The following FMN2 variants were observed in gnomAD, a reference collection of about 807,000 sequenced individuals.
The protein encoded by FMN2 is formin 2, also known as formin-2.
A neutral mutation model predicts 142.3 loss-of-function variants in FMN2; 51 were observed. The ratio of observed to expected loss-of-function variants is 0.36; its 90% CI spans 0.29 to 0.45. FMN2 has a LOEUF of 0.45. Ranked by LOEUF, FMN2 falls within the 20% of genes least tolerant of loss-of-function variation. The pLI is 1.00. For missense variants in FMN2, 1,936 were observed against 2,122.8 expected (o/e 0.91, Z 1.73); for synonymous variants, 882 against 869.8 (o/e 1.01, Z -0.25).
chr1:240,303,227 ATAGT>A lies in FMN2; in HGVS notation c.4215+8347_4215+8350del, dbSNP rs1334907352. Among the ~76,000 whole-genome samples, 6 of 152,290 alleles carry A rather than the reference ATAGT, an allele frequency of 3.9e-5. No homozygotes were observed. The East Asian group carries it at 1.2e-3, about 29-fold the overall frequency. ...CGTCAAGTGAGAGAGACTGATTATA[ATAGT>A]TAAAGTAGCTGACGTGCTCACATCT... On this transcript the variant is annotated intron_variant, in intron 8 of 17. Coordinates refer to ENST00000319653, the MANE Select transcript of FMN2 (RefSeq NM_020066.5).
rs1571976473 is a variant in FMN2 at position 240,142,907 on chromosome 1, C to A, written c.1782+19562C>A. The A allele has an allele frequency of 2.5e-6, 4 of 1,606,142 alleles. No homozygotes were observed. In the East Asian group the frequency reaches 8.9e-5, roughly 36 times the overall value. The stretch of plus-strand genomic sequence containing the variant: ...TCAGCTCCTCATCAAACGTAACCAG[C>A]ATTCGGGGCCGCATGGCAGCCACCA... On this transcript the variant is annotated intron_variant, in intron 2 of 17. Transcript: ENST00000319653.
chr1:240,253,240 A>T (rs894881524), intron 6 of FMN2, among the ~76,000 whole-genome samples: 1 of 151,514 alleles, frequency 6.6e-6, no homozygotes, highest in Non-Finnish European at 1.5e-5. Flanking sequence ...AAGTGCTAGG[A>T]TTACAGACGT....
At chr1:240,378,653 C>T (rs1410763737) in intron 14 of FMN2, among the ~76,000 whole-genome samples, 1 of 152,158 alleles carries the variant, frequency 6.6e-6, no homozygotes, top group Admixed American at 6.5e-5. Flanking sequence ...TCCTTTCAAT[C>T]TTTTCCTTTA....
At chr1:240,430,148 A>G (rs1442320847) in intron 15 of FMN2, among the ~76,000 whole-genome samples, 3 of 152,076 alleles carry the variant, frequency 2.0e-5, no homozygotes, top group African/African-American at 7.2e-5. Context: ...GGCCTCCCAA[A>G]GTGCTGGGAT....
At chr1:240,472,505 T>A in intron 17 of FMN2, 52 bp downstream of exon 17, 1 of 1,202,952 alleles carries the variant, frequency 8.3e-7, no homozygotes, top group South Asian at 1.3e-5. Flanking sequence ...TTAAATCCTA[T>A]TTTCATAATA....
intron 8 of FMN2, among the ~76,000 whole-genome samples, chr1:240,304,895 A>C (rs1670328404): frequency 6.6e-6 from 1 of 152,168 alleles, no homozygotes; most frequent in Non-Finnish European, 1.5e-5. Context: ...AATTAACTGT[A>C]ATTTAAGCTC....
At chr1:240,142,093 TATATC>T (rs1663209025) in intron 2 of FMN2, among the ~76,000 whole-genome samples, 1 of 152,178 alleles carries the variant, frequency 6.6e-6, no homozygotes, top group Admixed American at 6.5e-5. Context: ...AGATCAGAAA[TATATC>T]AGAGTCTCCC....
At chr1:240,453,413 A>G (rs1676124959) in intron 16 of FMN2, among the ~76,000 whole-genome samples, 1 of 152,146 alleles carries the variant, frequency 6.6e-6, no homozygotes, top group African/African-American at 2.4e-5. Context: ...TAAACAATCG[A>G]CATATCAATC....
chr1:240,159,443 C>A (rs1664166817), intron 2 of FMN2, among the ~76,000 whole-genome samples: 1 of 152,116 alleles, frequency 6.6e-6, no homozygotes, highest in African/African-American at 2.4e-5. Flanking sequence ...CCACTCCCAG[C>A]AAACCTGAGC....
chr1:240,249,136 T>C (rs960067093), intron 6 of FMN2, among the ~76,000 whole-genome samples: 2 of 152,096 alleles, frequency 1.3e-5, no homozygotes, highest in African/African-American at 2.4e-5. Flanking sequence ...GTTTTAGTTG[T>C]CTGTGCTTTT....
intron 6 of FMN2, among the ~76,000 whole-genome samples, chr1:240,216,795 A>C (rs571076658): frequency 4.1e-4 from 62 of 152,196 alleles, no homozygotes; most frequent in Admixed American, 1.4e-3. Flanking sequence ...AAAAATACAA[A>C]AAAATTAGCC....
At chr1:240,241,947 G>T (rs1434736253) in intron 6 of FMN2, among the ~76,000 whole-genome samples, 1 of 145,690 alleles carries the variant, frequency 6.9e-6, no homozygotes, top group East Asian at 2.1e-4. Flanking sequence ...CCGGGTTCAC[G>T]CCATTCTCCT....
In FMN2 at chr1:240,473,639, A is replaced by T. The variant is rs1231444714; in HGVS notation, c.5143-489A>T. Among the ~76,000 whole-genome samples the T allele has an allele frequency of 2.0e-5, 3 of 152,192 alleles. No homozygotes were observed. Among genetic ancestry groups the T allele is most frequent in the African/African-American group, 7.2e-5 (3 of 41,446 alleles). On this transcript the variant is annotated intron_variant, in intron 17 of 17. Coordinates refer to ENST00000319653, the MANE Select transcript of FMN2 (RefSeq NM_020066.5). The surrounding 1 kb of genome is among the most constrained non-coding windows in gnomAD (Gnocchi z 4.3). Reference sequence around the variant, plus strand: ...AGTTTCTCTGTATCAAAATGATCTTATCTAATGATAACTACTACATGATAG... The same window carrying T: ...AGTTTCTCTGTATCAAAATGATCTTTTCTAATGATAACTACTACATGATAG...
At chr1:240,359,656 A>T (rs939933490) in intron 14 of FMN2, among the ~76,000 whole-genome samples, 1 of 152,316 alleles carries the variant, frequency 6.6e-6, no homozygotes, top group East Asian at 1.9e-4. Context: ...CACTGGGAAC[A>T]TCTCTCACCT....
At chr1:240,268,407 C>A (rs938664452) in intron 7 of FMN2, among the ~76,000 whole-genome samples, 3 of 152,036 alleles carry the variant, frequency 2.0e-5, no homozygotes, top group African/African-American at 4.8e-5. Context: ...ACTGTTTTAT[C>A]TGCAAGGAGG....
chr1:240,467,105 A>G (rs1676647855), intron 16 of FMN2, among the ~76,000 whole-genome samples: 2 of 152,146 alleles, frequency 1.3e-5, no homozygotes, highest in Admixed American at 6.6e-5. Context: ...AGAAGACATA[A>G]TAAGTACAAA....
At chr1:240,399,574 C>T (rs916167822) in intron 15 of FMN2, among the ~76,000 whole-genome samples, 4 of 152,200 alleles carry the variant, frequency 2.6e-5, no homozygotes, top group African/African-American at 7.2e-5. Context: ...CAAGCTCCTA[C>T]GCTGAGGTTA....
chr1:240,326,373 C>T (rs377402880), intron 8 of FMN2, among the ~76,000 whole-genome samples: 22 of 152,258 alleles, frequency 1.4e-4, no homozygotes, highest in African/African-American at 5.3e-4. Context: ...AAGGACTGTG[C>T]AATTAGTAAT....
intron 14 of FMN2, among the ~76,000 whole-genome samples, chr1:240,369,566 GT>G (rs1204705061): frequency 6.6e-6 from 1 of 152,026 alleles, no homozygotes; most frequent in South Asian, 2.1e-4. Context: ...TGTAAATTCT[GT>G]TTTTGTCTGT....
Sources: allele counts gnomAD v4.1 joint callset (sites outside exome capture counted in the v4.1 genomes callset), GRCh38; gene constraint gnomAD v4.1.1; non-coding constraint Gnocchi (gnomAD v3.1); transcripts MANE v1.5; gene names NCBI Gene and HGNC (gene_info 2026-07-23, HGNC 2026-07-21).